TRADD: variants seen among roughly 807,000 people sequenced by gnomAD.
The protein encoded by TRADD is tumor necrosis factor receptor type 1-associated DEATH domain protein.
Under a neutral mutation model 31.5 loss-of-function variants are expected in TRADD, and 14 were observed. The observed-to-expected ratio is 0.44, with a 90% CI of 0.29 to 0.69. The LOEUF (loss-of-function observed/expected upper bound fraction) is 0.69, where lower values mean the gene tolerates loss of function less well. Among genes scored for constraint, TRADD ranks in the 30% least tolerant of loss-of-function variants. The pLI is 0.11. For synonymous variants in TRADD, 220 were observed against 215.8 expected, an observed-to-expected ratio of 1.02 and a Z score of -0.17; for missense variants, 388 against 435.7, an observed-to-expected ratio of 0.89 and a Z score of 0.97.
chr16:67,159,648 G>A lies in TRADD; in HGVS notation c.-9+190C>T, dbSNP rs1486254311. On this transcript the variant is annotated intron_variant, in intron 1 of 4. Coordinates refer to ENST00000345057, the MANE Select transcript of TRADD (RefSeq NM_003789.4). The surrounding 1 kb of genome is among the most constrained non-coding windows in gnomAD (Gnocchi z 6.8). ...CCTCGAAAGTGCTGGCAGGGACGAGGAGCCTGCGGGGGCCAAATTCCGTAC... is the reference window on the plus strand; with the variant it reads ...CCTCGAAAGTGCTGGCAGGGACGAGAAGCCTGCGGGGGCCAAATTCCGTAC... Among the ~76,000 whole-genome samples the A allele has an allele frequency of 6.6e-6, 1 of 152,210 alleles. No individual in the cohort carries two copies. The highest frequency in any genetic ancestry group is 1.5e-5 in the Non-Finnish European group (1 of 68,040).
Position 67,155,597 on chromosome 16 carries a change from T to TG in TRADD, c.208dup (p.Gln70ProfsTer81), listed in dbSNP as rs927343140. 6.4e-7 allele frequency: 1 copy of TG among 1,551,518 alleles called. No homozygotes were observed. The highest frequency in any genetic ancestry group is 8.7e-7 in the Non-Finnish European group (1 of 1,155,892). ...GCAGAATCGCAGCTGCACGATCAGC[T>TG]GCGGGTCGCTGCGGTGGATCTTCAG... On this transcript the variant is annotated frameshift_variant, in exon 3 of 5. Coordinates refer to ENST00000345057, the MANE Select transcript of TRADD (RefSeq NM_003789.4). LOFTEE classifies it high-confidence loss of function.
chr16:67,155,679 C>T (rs1043282983), intron 2 of TRADD, 25 bp from the exon 3 acceptor site: 3 of 1,552,490 alleles, frequency 1.9e-6, no homozygotes, highest in African/African-American at 2.7e-5. Context: ...GGTCAGGCGC[C>T]GGGCGGTCCC....
rs540688214 is a variant in TRADD, at chr16:67,154,562, T to C, written c.*87A>G. 7 of 1,495,638 alleles carry C rather than the reference T, an allele frequency of 4.7e-6. No individual in the cohort carries two copies. The African/African-American group carries it at 5.5e-5, about 12-fold the overall frequency. 92.6% of individuals were successfully genotyped at this position (1,495,638 alleles called of 1,614,324 possible). ...AGATAGGCCAAGTGGAGTTTCAGGG[T>C]CCCGTGGATGGACAGGGGTTCAGCA... On this transcript the variant is annotated 3_prime_UTR_variant, in exon 5 of 5. Transcript: ENST00000345057. The surrounding 1 kb of genome is among the most constrained non-coding windows in gnomAD (Gnocchi z 5.2).
At position 67,154,357 on chromosome 16, in the gene TRADD, A is replaced by G; in HGVS notation, c.*292T>C. ...CAAAGATCAAGGTGCTTCATGAGTG[A>G]AACTGTAAGGGCTGGCTGTAAGCCC... On this transcript the variant is annotated 3_prime_UTR_variant, in exon 5 of 5. Transcript: ENST00000345057. This position sits in a 1 kb window ranked among gnomAD's most constrained non-coding sequence, Gnocchi z 5.2. 3 of 543,860 alleles carry G rather than the reference A, an allele frequency of 5.5e-6. No homozygotes were observed. The highest frequency in any genetic ancestry group is 1.0e-5 in the Non-Finnish European group (3 of 301,482). The allele number at this position is 543,860 out of a possible 1,614,324, so 33.7% of individuals were successfully genotyped here. A position where few individuals can be genotyped will look rare whatever the true frequency, so the allele number is the denominator to read the frequency against.
rs141132351 is a variant in TRADD, at chr16:67,156,681, ACAGT to A, written c.-8-17_-8-14del. On this transcript the variant is annotated splice_polypyrimidine_tract_variant and intron_variant, in intron 1 of 4. Transcript: ENST00000345057. The surrounding 1 kb of genome is among the most constrained non-coding windows in gnomAD (Gnocchi z 4.6). The stretch of plus-strand genomic sequence containing the variant: ...GCCATCTCACCTCCTGGAGATGCAG[ACAGT>A]CAGGTATCCAGTTCATCCCCCCTCC... 1.1e-3 allele frequency: 1,792 copies of A among 1,613,480 alleles called. 15 individuals carry two copies. The African/African-American group carries it at 0.02, about 18-fold the overall frequency.
In TRADD at chr16:67,155,416, C is replaced by A. The variant is rs376764720; in HGVS notation, c.390G>T (p.Ala130=). ...AGAERLDALL[A]DEERCLSCIL... The stretch of plus-strand genomic sequence containing the variant: ...TGCAACTCAAACAGCGCTCCTCGTC[C>A]GCCAGCAAAGCGTCCAGCCGCTCGG... Residue 130 remains alanine, a synonymous_variant, in exon 3 of 5, where the codon GCG becomes GCT. Transcript: ENST00000345057. The A allele has an allele frequency of 1.1e-5, 17 of 1,597,844 alleles. No homozygotes were observed. The African/African-American group carries it at 1.6e-4, about 15-fold the overall frequency.
Position 67,155,571 on chromosome 16 carries a change from C to A in TRADD, c.235G>T (p.Gly79Trp). 6.5e-7 allele frequency: 1 copy of A among 1,533,732 alleles called. No individual in the cohort carries two copies. The highest frequency in any genetic ancestry group is 2.5e-5 in the East Asian group (1 of 40,302). ...AGGAAGCGGCCACAGGGCTGCCGCC[C>A]GCAGAATCGCAGCTGCACGATCAGC... ...PQLIVQLRFC[G>W]RQPCGRFLRA... is the part of the protein sequence containing the mutation. Residue 79 changes from glycine (G) to tryptophan (W), a missense_variant, in exon 3 of 5, where the codon GGG becomes TGG. Transcript: ENST00000345057.
chr16:67,155,231 C>T lies in TRADD; in HGVS notation c.493G>A (p.Gly165Ser), dbSNP rs2030633440. ...CCGTCGCCACCCCGGGCCCCCGAGC[C>T]GCACTTCAGATTTCGCAGCGCATCC... Reference protein sequence around the residue: ...LEDALRNLKCGSGARGGDGEV... With the variant: ...LEDALRNLKCSSGARGGDGEV... The change falls in exon 4 of 5, where the codon GGC (glycine) becomes AGC (serine). Residue 165 changes from glycine to serine, a missense_variant. By Grantham distance (56) the Gly-to-Ser change is moderately conservative (BLOSUM62 0). Transcript: ENST00000345057. 3.7e-6 allele frequency: 6 copies of T among 1,604,574 alleles called. No homozygotes were observed. The highest frequency in any genetic ancestry group is 1.3e-5 in the African/African-American group (1 of 74,824).
chr16:67,156,317 A>G lies in TRADD; in HGVS notation c.151+193T>C. 1.7e-6 allele frequency: 2 copies of G among 1,154,456 alleles called. No individual in the cohort carries two copies. The highest frequency in any genetic ancestry group is 2.9e-5 in the South Asian group (2 of 68,664). 71.5% of individuals were successfully genotyped at this position (1,154,456 alleles called of 1,614,324 possible). On this transcript the variant is annotated intron_variant, in intron 2 of 4. Coordinates refer to ENST00000345057, the MANE Select transcript of TRADD (RefSeq NM_003789.4). The surrounding 1 kb of genome is among the most constrained non-coding windows in gnomAD (Gnocchi z 4.6). Reference sequence around the variant, plus strand: ...ACGTTAGTGCACAAATTGGTAAATCATACACAGACTCGAGAACACACGCCT... The same window carrying G: ...ACGTTAGTGCACAAATTGGTAAATCGTACACAGACTCGAGAACACACGCCT...
rs752570737 is a variant in TRADD at position 67,154,940 on chromosome 16, C to A, written c.648G>T (p.Leu216=). 16 of 1,609,710 alleles carry A rather than the reference C, an allele frequency of 9.9e-6. No individual in the cohort carries two copies. The highest frequency in any genetic ancestry group is 1.4e-5 in the Non-Finnish European group (16 of 1,178,600). Residue 216 remains leucine (L), a synonymous_variant, in exon 5 of 5, where the codon CTG becomes CTT. Transcript: ENST00000345057. The surrounding 1 kb of genome is among the most constrained non-coding windows in gnomAD (Gnocchi z 5.2). The part of the protein sequence containing the change: ...GQPVVNRPLS[L]KDQQTFARSV... ...AGCGCGCGAACGTCTGTTGGTCCTT[C>A]AGGCTCAGCGGCCGATTCACTGCAG...
At position 67,156,416 on chromosome 16, in the gene TRADD, C is replaced by T. The variant is rs1473122581; in HGVS notation, c.151+94G>A. 1.9e-6 allele frequency: 3 copies of T among 1,583,960 alleles called. No individual in the cohort carries two copies. Among genetic ancestry groups the T allele is most frequent in the Admixed American group, 1.7e-5 (1 of 59,680 alleles). ...GGTCCTCCGTCTTGCTCCTCCCACCCCAAATCTTCTTCTTAAAGGTGGCTA... is the reference window on the plus strand; with the variant it reads ...GGTCCTCCGTCTTGCTCCTCCCACCTCAAATCTTCTTCTTAAAGGTGGCTA... On this transcript the variant is annotated intron_variant, in intron 2 of 4. Coordinates refer to ENST00000345057, the MANE Select transcript of TRADD (RefSeq NM_003789.4). This position sits in a 1 kb window ranked among gnomAD's most constrained non-coding sequence, Gnocchi z 4.6.
chr16:67,159,427 C>G lies in TRADD; in HGVS notation c.-9+411G>C, dbSNP rs997337382. Among the ~76,000 whole-genome samples the G allele has an allele frequency of 8.5e-5, 13 of 152,204 alleles. No homozygotes were observed. Among genetic ancestry groups the G allele is most frequent in the African/African-American group, 3.1e-4 (13 of 41,458 alleles). ...TGAAAGCCTGTGACTCCTTGCGACC[C>G]GCCGGGCACACCCCCTACTCAGCTA... On this transcript the variant is annotated intron_variant, in intron 1 of 4. Transcript: ENST00000345057. This position sits in a 1 kb window ranked among gnomAD's most constrained non-coding sequence, Gnocchi z 6.8.
Position 67,156,212 on chromosome 16 carries a change from A to G in TRADD, c.151+298T>C, listed in dbSNP as rs778017764. On this transcript the variant is annotated intron_variant, in intron 2 of 4. Transcript: ENST00000345057. This position sits in a 1 kb window ranked among gnomAD's most constrained non-coding sequence, Gnocchi z 4.6. ...TGAGCAAGGAGTGCTGCAGTAAGAG[A>G]GGAAAAGAGGAGAGAGACATCCACA... 52 of 1,440,438 alleles carry G rather than the reference A, an allele frequency of 3.6e-5. 3 individuals are homozygous for G. In the South Asian group the frequency reaches 6.1e-4, roughly 17 times the overall value. The allele number at this position is 1,440,438 out of a possible 1,614,324, so 89.2% of individuals were successfully genotyped here. A position where few individuals can be genotyped will look rare whatever the true frequency, so the allele number is the denominator to read the frequency against.
At position 67,154,366 on chromosome 16, in the gene TRADD, G is replaced by A. The variant is rs2030570857; in HGVS notation, c.*283C>T. 1.6e-5 allele frequency: 9 copies of A among 557,382 alleles called. No individual in the cohort carries two copies. Among genetic ancestry groups the A allele is most frequent in the Non-Finnish European group, 2.9e-5 (9 of 309,756 alleles). The allele number at this position is 557,382 out of a possible 1,614,324, so 34.5% of individuals were successfully genotyped here. On this transcript the variant is annotated 3_prime_UTR_variant, in exon 5 of 5. Coordinates refer to ENST00000345057, the MANE Select transcript of TRADD (RefSeq NM_003789.4). The surrounding 1 kb of genome is among the most constrained non-coding windows in gnomAD (Gnocchi z 5.2). The stretch of plus-strand genomic sequence containing the variant: ...AGGTGCTTCATGAGTGAAACTGTAA[G>A]GGCTGGCTGTAAGCCCCGCTTCTGG...
rs777513776 is a variant in TRADD at position 67,155,155 on chromosome 16, AC to A, written c.568del (p.Val190Ter). 1 of 1,552,624 alleles carries A rather than the reference AC, an allele frequency of 6.4e-7. No homozygotes were observed. The highest frequency in any genetic ancestry group is 1.2e-5 in the South Asian group (1 of 85,374). On this transcript the variant is annotated frameshift_variant, in exon 4 of 5. Coordinates refer to ENST00000345057, the MANE Select transcript of TRADD (RefSeq NM_003789.4). LOFTEE classifies it high-confidence loss of function. ...AGGTGGCGGCGGCGGCGGCGGCTTCACCTCCGACAGAGAGGGCACCGGGGGC... is the reference window on the plus strand; with the variant it reads ...AGGTGGCGGCGGCGGCGGCGGCTTCACTCCGACAGAGAGGGCACCGGGGGC... ...LQPPVPSLSE[V>X]KPPPPPPPAQ...
At chr16:67,158,332 G>A (rs1239426961) in intron 1 of TRADD, among the ~76,000 whole-genome samples, 3 of 152,140 alleles carry the variant, frequency 2.0e-5, no homozygotes, top group African/African-American at 7.2e-5. Flanking sequence ...TGCCTGGCTA[G>A]TTTTTGTATT....
At chr16:67,155,852 A>G in intron 2 of TRADD, 198 bp from the exon 3 acceptor site, 1 of 1,496,022 alleles carries the variant, frequency 6.7e-7, no homozygotes, top group Non-Finnish European at 8.9e-7. Context: ...AGGATCTGTC[A>G]CAGGGAGCAC....
intron 1 of TRADD, among the ~76,000 whole-genome samples, chr16:67,158,184 G>C (rs1253024230): frequency 6.6e-6 from 1 of 152,166 alleles, no homozygotes; most frequent in Non-Finnish European, 1.5e-5. Flanking sequence ...TCTTGTTTTT[G>C]AGACAGGGTC....
rs1181434658 is a variant in TRADD at position 67,155,515 on chromosome 16, G to A, written c.291C>T (p.Ala97=). The A allele has an allele frequency of 3.3e-6, 5 of 1,527,512 alleles. No homozygotes were observed. Among genetic ancestry groups the A allele is most frequent in the African/African-American group, 2.8e-5 (2 of 71,130 alleles). 94.6% of individuals were successfully genotyped at this position (1,527,512 alleles called of 1,614,324 possible). The change falls in exon 3 of 5, where the codon GCC becomes GCT. Residue 97 remains alanine (A), a synonymous_variant. Transcript: ENST00000345057. ...CGGCCGCCAGGCTCCTCTGCAGCGCGGCGCGCAGCGCCCCCTCGCGGTAGG... is the reference window on the plus strand; with the variant it reads ...CGGCCGCCAGGCTCCTCTGCAGCGCAGCGCGCAGCGCCCCCTCGCGGTAGG... ...LRAYREGALR[A]ALQRSLAAAL...
Sources: allele counts gnomAD v4.1 joint callset (sites outside exome capture counted in the v4.1 genomes callset), GRCh38; gene constraint gnomAD v4.1.1; non-coding constraint Gnocchi (gnomAD v3.1); transcripts MANE v1.5; gene names NCBI Gene and HGNC (gene_info 2026-07-23, HGNC 2026-07-21).